The following GRID1 variants were observed in gnomAD, a reference collection of about 807,000 sequenced individuals.
GRID1 encodes the protein glutamate ionotropic receptor delta type subunit 1.
GRID1 carries 28 observed loss-of-function variants against 98.0 expected under a neutral mutation model. The observed-to-expected ratio is 0.29, with a 90% confidence interval of 0.21 to 0.39. GRID1 has a LOEUF of 0.39. Ranked by LOEUF, GRID1 falls within the 10% of genes least tolerant of loss-of-function variation. The pLI is 1.00. For missense variants in GRID1, 1,111 were observed against 1,340.5 expected, an observed-to-expected ratio of 0.83 and a Z score of 2.67; for synonymous variants, 553 against 538.5, an observed-to-expected ratio of 1.03 and a Z score of -0.37.
chr10:86,059,812 C>T (rs1357858317), intron 4 of GRID1, among the ~76,000 whole-genome samples: 1 of 152,018 alleles, frequency 6.6e-6, no homozygotes, highest in African/African-American at 2.4e-5. Flanking sequence ...AAGTCTTTTA[C>T]AAATCACTTT....
At chr10:86,137,206 A>G (rs1381041827) in intron 4 of GRID1, among the ~76,000 whole-genome samples, 1 of 152,220 alleles carries the variant, frequency 6.6e-6, no homozygotes, top group Non-Finnish European at 1.5e-5. Flanking sequence ...AAATGCATGA[A>G]TATGTGCAGT....
rs1297776952 is a variant in GRID1, at chr10:85,600,128, TA to T, written c.*2144del. 2.0e-5 allele frequency: 3 copies of T among 152,002 alleles called. No homozygotes were observed. The highest frequency in any genetic ancestry group is 7.3e-5 in the African/African-American group (3 of 41,184). 9.4% of individuals were successfully genotyped at this position (152,002 alleles called of 1,614,324 possible). A position where few individuals can be genotyped will look rare whatever the true frequency, so the allele number is the denominator to read the frequency against. ...TGAGACCAGAGTTTGATTAAAAAAATAGAGAGATATATATGTGAAAAATTGA... is the reference window on the plus strand; with the variant it reads ...TGAGACCAGAGTTTGATTAAAAAAATGAGAGATATATATGTGAAAAATTGA... On this transcript the variant is annotated 3_prime_UTR_variant, in exon 16 of 16. Transcript: ENST00000327946.
rs1689085474 is a variant in GRID1 at position 86,365,942 on chromosome 10, C to A, written c.79+372G>T. Among the ~76,000 whole-genome samples, 2 of 152,262 alleles carry A rather than the reference C, an allele frequency of 1.3e-5. No homozygotes were observed. The highest frequency in any genetic ancestry group is 6.5e-5 in the Admixed American group (1 of 15,302). On this transcript the variant is annotated intron_variant, in intron 1 of 15. Transcript: ENST00000327946. This position sits in a 1 kb window ranked among gnomAD's most constrained non-coding sequence, Gnocchi z 4.8. ...TGCCCTGCCAACTTGGCGAGCCCCC[C>A]GCTGTACCTCCCCCTGCCCCCCGCT...
At chr10:85,879,713 T>C (rs1390442878) in intron 5 of GRID1, among the ~76,000 whole-genome samples, 3 of 152,048 alleles carry the variant, frequency 2.0e-5, no homozygotes, top group Non-Finnish European at 4.4e-5. Context: ...TTAAAAGAAC[T>C]AGAAAACCAA....
chr10:86,284,748 A>G (rs777653436), intron 2 of GRID1, among the ~76,000 whole-genome samples: 13 of 152,232 alleles, frequency 8.5e-5, no homozygotes, highest in Admixed American at 2.0e-4. Context: ...GAAGGCCACA[A>G]TGCCATCCAC....
At chr10:85,645,442 G>T (rs879456027) in intron 13 of GRID1, 3 of 152,218 alleles carry the variant, frequency 2.0e-5, no homozygotes. Flanking sequence ...TGAGAACTAC[G>T]AGGTTTTAAT....
intron 4 of GRID1, among the ~76,000 whole-genome samples, chr10:85,970,091 A>C (rs1842387563): frequency 2.0e-5 from 3 of 152,070 alleles, no homozygotes; most frequent in Non-Finnish European, 4.4e-5. Context: ...ATTTCTAGAA[A>C]GACACAAACT....
chr10:85,953,764 A>G (rs1842154541), intron 4 of GRID1, among the ~76,000 whole-genome samples: 1 of 152,208 alleles, frequency 6.6e-6, no homozygotes, highest in South Asian at 2.1e-4. Flanking sequence ...ATTCCTCCCC[A>G]GAACAATTCA....
At chr10:85,725,033 C>T (rs1472960517) in intron 10 of GRID1, among the ~76,000 whole-genome samples, 1 of 152,166 alleles carries the variant, frequency 6.6e-6, no homozygotes, top group Non-Finnish European at 1.5e-5. Flanking sequence ...CCTCTACCCT[C>T]CACCAAGAAG....
At position 85,599,802 on chromosome 10, in the gene GRID1, A is replaced by AATATATATATATATATAT. The variant is rs1198693547; in HGVS notation, c.*2453_*2470dup. ...GTAGAAAATTCTAAAAAAAAAAAAA[A>AATATATATATATATATAT]ATATATATATATATATATAAACATG... is the stretch of plus-strand genomic sequence containing the variant. On this transcript the variant is annotated 3_prime_UTR_variant, in exon 16 of 16. Transcript: ENST00000327946. 26 of 64,890 alleles carry AATATATATATATATATAT rather than the reference A, an allele frequency of 4.0e-4. No individual in the cohort carries two copies. The highest frequency in any genetic ancestry group is 4.7e-4 in the African/African-American group (5 of 10,724). The allele number at this position is 64,890 out of a possible 1,614,324, so 4.0% of individuals were successfully genotyped here.
At position 85,978,099 on chromosome 10, in the gene GRID1, A is replaced by G. The variant is rs138556780; in HGVS notation, c.727-61860T>C. Reference sequence around the variant, plus strand: ...TGGGTTATCCTTATAGTTCTTGCTTAAGTTCATGCAAAGCCATCAACAAGT... The same window carrying G: ...TGGGTTATCCTTATAGTTCTTGCTTGAGTTCATGCAAAGCCATCAACAAGT... On this transcript the variant is annotated intron_variant, in intron 4 of 15. Transcript: ENST00000327946. Among the ~76,000 whole-genome samples the G allele has an allele frequency of 5.6e-4, 86 of 152,358 alleles. 1 individual carries two copies. In the East Asian group the frequency reaches 0.012, roughly 20 times the overall value.
At chr10:85,863,513 C>T (rs1264307387) in intron 6 of GRID1, among the ~76,000 whole-genome samples, 1 of 152,214 alleles carries the variant, frequency 6.6e-6, no homozygotes. Flanking sequence ...ACTGACTTTC[C>T]ACCTGGGCAA....
chr10:86,193,013 T>C (rs1282927468), intron 3 of GRID1, among the ~76,000 whole-genome samples: 1 of 151,954 alleles, frequency 6.6e-6, no homozygotes, highest in Non-Finnish European at 1.5e-5. Context: ...GAAGAGAAGG[T>C]GAGGCAATGA....
intron 4 of GRID1, among the ~76,000 whole-genome samples, chr10:86,117,148 CCAA>C (rs1259892622): frequency 5.9e-5 from 9 of 151,784 alleles, no homozygotes; most frequent in Non-Finnish European, 8.8e-5. Flanking sequence ...ACCATCACCA[CCAA>C]CATCACCATC....
At chr10:86,254,934 C>G (rs1355163358) in intron 2 of GRID1, among the ~76,000 whole-genome samples, 3 of 152,208 alleles carry the variant, frequency 2.0e-5, no homozygotes, top group Non-Finnish European at 4.4e-5. Context: ...ACTCAGGAAG[C>G]ACAGATAAGG....
intron 2 of GRID1, among the ~76,000 whole-genome samples, chr10:86,269,566 G>C (rs1589432678): frequency 6.6e-6 from 1 of 152,018 alleles, no homozygotes; most frequent in East Asian, 1.9e-4. Context: ...TTGACCCCTG[G>C]CTAATTAGGA....
In GRID1 at chr10:85,602,109, C is replaced by T. The variant is rs1343123341; in HGVS notation, c.*164G>A. The T allele has an allele frequency of 2.5e-5, 12 of 488,128 alleles. No individual in the cohort carries two copies. Among genetic ancestry groups the T allele is most frequent in the Non-Finnish European group, 2.1e-5 (6 of 279,904 alleles). 30.2% of individuals were successfully genotyped at this position (488,128 alleles called of 1,614,324 possible). ...GAATATTCAAAATACACTTTTACCC[C>T]ACTCCATTCTGTCATTATTTACACA... is the stretch of plus-strand genomic sequence containing the variant. On this transcript the variant is annotated 3_prime_UTR_variant, in exon 16 of 16. Transcript: ENST00000327946.
At chr10:86,031,757 C>T (rs1843188693) in intron 4 of GRID1, among the ~76,000 whole-genome samples, 1 of 152,162 alleles carries the variant, frequency 6.6e-6, no homozygotes, top group South Asian at 2.1e-4. Context: ...TCTCTAACAG[C>T]TTCCATCTTA....
Position 85,821,533 on chromosome 10 carries a change from A to AGC in GRID1, c.1233+32962_1233+32963insGC, listed in dbSNP as rs1842771508. On this transcript the variant is annotated intron_variant, in intron 8 of 15. Coordinates refer to ENST00000327946, the MANE Select transcript of GRID1 (RefSeq NM_017551.3). Reference sequence around the variant, plus strand: ...CTTCATCTCAAAAAAAAAAAAAAAAAAAAAAAAAAAAAGAAAACAGATCAA... The same window carrying AGC: ...CTTCATCTCAAAAAAAAAAAAAAAAAGCAAAAAAAAAAAAGAAAACAGATCAA... Among the ~76,000 whole-genome samples, 5 of 142,856 alleles carry AGC rather than the reference A, an allele frequency of 3.5e-5. 1 individual carries two copies. The highest frequency in any genetic ancestry group is 1.1e-4 in the African/African-American group (4 of 37,872). The allele number at this position is 142,856 out of a possible 152,430, so 93.7% of individuals were successfully genotyped here.
Sources: allele counts gnomAD v4.1 joint callset (sites outside exome capture counted in the v4.1 genomes callset), GRCh38; gene constraint gnomAD v4.1.1; non-coding constraint Gnocchi (gnomAD v3.1); transcripts MANE v1.5; gene names NCBI Gene and HGNC (gene_info 2026-07-23, HGNC 2026-07-21).